PRKCB: variants seen among roughly 807,000 people sequenced by gnomAD.
PRKCB encodes the protein protein kinase C beta.
PRKCB carries 13 observed loss-of-function variants against 81.5 expected under a neutral mutation model. That is an observed-to-expected ratio of 0.16 (90% CI 0.10 to 0.25). PRKCB has a LOEUF of 0.25. Among genes scored for constraint, PRKCB ranks in the 10% least tolerant of loss-of-function variants. The pLI, the probability that PRKCB is intolerant of heterozygous loss-of-function variation, is 1.00. For synonymous variants in PRKCB, 335 were observed against 321.4 expected (o/e 1.04, Z -0.45); for missense variants, 509 against 875.7 (o/e 0.58, Z 5.29).
At chr16:23,839,489 G>A (rs1962229973) in intron 2 of PRKCB, among the ~76,000 whole-genome samples, 1 of 152,114 alleles carries the variant, frequency 6.6e-6, no homozygotes, top group South Asian at 2.1e-4. Context: ...TTGCAAGACT[G>A]GTCTTGAACT....
intron 2 of PRKCB, among the ~76,000 whole-genome samples, chr16:23,971,384 G>A (rs755541163): frequency 1.5e-4 from 23 of 152,174 alleles, no homozygotes; most frequent in African/African-American, 1.9e-4. Context: ...CTTTGAGGAC[G>A]GATGGTGTGA....
In PRKCB at chr16:24,132,795, T is replaced by TTTTTC. The variant is rs1567386726; in HGVS notation, c.1065+8814_1065+8815insTTTTC. On this transcript the variant is annotated intron_variant, in intron 9 of 16. Coordinates refer to ENST00000643927, the MANE Select transcript of PRKCB (RefSeq NM_002738.7). ...GCTTTTTTTTTTTTTTTTTTTTTCT[T>TTTTTC]CTAGAGACAGGGTCTCACTCTGTCA... is the stretch of plus-strand genomic sequence containing the variant. 2.3e-3 allele frequency among the ~76,000 whole-genome samples: 314 copies of TTTTTC among 138,904 alleles called. 4 individuals carry two copies. Among genetic ancestry groups the TTTTTC allele is most frequent in the African/African-American group, 8.3e-3 (297 of 35,786 alleles). 91.1% of individuals were successfully genotyped at this position (138,904 alleles called of 152,430 possible).
At chr16:23,934,024 TCCATCCA>T (rs1964022827) in intron 2 of PRKCB, among the ~76,000 whole-genome samples, 1 of 36,566 alleles carries the variant, frequency 2.7e-5, no homozygotes, top group Non-Finnish European at 8.1e-5. Context: ...TACCCACTCA[TCCATCCA>T]TCCATCCATC....
chr16:23,976,829 C>T (rs372466630), intron 2 of PRKCB, among the ~76,000 whole-genome samples: 3 of 152,284 alleles, frequency 2.0e-5, no homozygotes, highest in Admixed American at 1.3e-4. Flanking sequence ...ATGTCCCCAG[C>T]AGGTGTTCTG....
At chr16:24,176,066 G>A (rs1430137611) in intron 12 of PRKCB, among the ~76,000 whole-genome samples, 1 of 151,912 alleles carries the variant, frequency 6.6e-6, no homozygotes, top group Non-Finnish European at 1.5e-5. Context: ...TGGTAGGATG[G>A]AGAAATGGGA....
intron 2 of PRKCB, among the ~76,000 whole-genome samples, chr16:23,876,253 G>A (rs79034087): frequency 1.4e-4 from 22 of 152,226 alleles, no homozygotes; most frequent in African/African-American, 2.9e-4. Flanking sequence ...AATTATATAC[G>A]TAATTTTACT....
At chr16:24,199,813 C>A (rs1967930411) in intron 16 of PRKCB, among the ~76,000 whole-genome samples, 1 of 152,084 alleles carries the variant, frequency 6.6e-6, no homozygotes, top group Non-Finnish European at 1.5e-5. Flanking sequence ...CAAGGTCCAG[C>A]AACTAGAAAG....
chr16:24,024,374 G>A lies in PRKCB; in HGVS notation c.289-7762G>A, dbSNP rs368347071. Among the ~76,000 whole-genome samples the A allele has an allele frequency of 1.6e-4, 24 of 152,230 alleles. 5 individuals carry two copies. Among genetic ancestry groups the A allele is most frequent in the East Asian group, 3.9e-4 (2 of 5,176 alleles). On this transcript the variant is annotated intron_variant, in intron 3 of 16. Coordinates refer to ENST00000643927, the MANE Select transcript of PRKCB (RefSeq NM_002738.7). ...TGCTGAGCAAAGAGTACAATGTTTC[G>A]GATAGGAGGAATTGCCTTTGAGATC...
intron 2 of PRKCB, among the ~76,000 whole-genome samples, chr16:23,867,039 TCCTTCCTTCCTTCTCTC>T (rs1962812547): frequency 1.0e-5 from 1 of 97,620 alleles, no homozygotes; most frequent in African/African-American, 4.4e-5. Flanking sequence ...CTTCCTTCCT[TCCTTCCTTCCTTCTCTC>T]TCTCTCTCTT....
chr16:24,016,645 A>G (rs1965282076), intron 3 of PRKCB, among the ~76,000 whole-genome samples: 1 of 152,220 alleles, frequency 6.6e-6, no homozygotes, highest in Admixed American at 6.5e-5. Context: ...ATACCTAGGA[A>G]TAAATACTTA....
intron 9 of PRKCB, among the ~76,000 whole-genome samples, chr16:24,130,069 T>G (rs931015164): frequency 1.3e-5 from 2 of 152,206 alleles, no homozygotes; most frequent in Non-Finnish European, 2.9e-5. Context: ...ATCCATACAC[T>G]TTACATTTGC....
chr16:24,015,454 C>T (rs1366032454), intron 3 of PRKCB, among the ~76,000 whole-genome samples: 1 of 152,198 alleles, frequency 6.6e-6, no homozygotes, highest in Non-Finnish European at 1.5e-5. Flanking sequence ...AAGCTGGGAA[C>T]AGGTCACGGG....
intron 10 of PRKCB, among the ~76,000 whole-genome samples, chr16:24,161,639 G>A (rs1450712641): frequency 2.0e-5 from 3 of 152,160 alleles, no homozygotes; most frequent in African/African-American, 4.8e-5. Flanking sequence ...GAAGCACAAA[G>A]GGATAATAAG....
chr16:24,012,765 A>G lies in PRKCB; in HGVS notation c.289-19371A>G, dbSNP rs922397348. On this transcript the variant is annotated intron_variant, in intron 3 of 16. Transcript: ENST00000643927. ...TCCTCACAAGAGTCCCTGTTGGAAG[A>G]TACAGGATATGATTGTCCTACTCAT... 9.8e-5 allele frequency among the ~76,000 whole-genome samples: 15 copies of G among 152,296 alleles called. 2 individuals are homozygous for G. Among genetic ancestry groups the G allele is most frequent in the East Asian group, 3.9e-4 (2 of 5,188 alleles).
At chr16:23,859,843 C>T (rs1962632724) in intron 2 of PRKCB, among the ~76,000 whole-genome samples, 2 of 150,088 alleles carry the variant, frequency 1.3e-5, no homozygotes, top group African/African-American at 4.9e-5. Context: ...TGGCACTTCT[C>T]AAGGGGGTGA....
intron 16 of PRKCB, chr16:24,208,563 G>C (rs372592182): frequency 6.6e-6 from 1 of 151,992 alleles, no homozygotes; most frequent in Admixed American, 6.6e-5. Context: ...CCCCATTCCT[G>C]TTCCAGGAGC....
chr16:24,137,988 A>G (rs982614314), intron 9 of PRKCB, among the ~76,000 whole-genome samples: 1 of 152,188 alleles, frequency 6.6e-6, no homozygotes, highest in Non-Finnish European at 1.5e-5. Context: ...TGAGTGTTTT[A>G]TAGGCATTGC....
chr16:23,992,004 G>T (rs1186883768), intron 3 of PRKCB, among the ~76,000 whole-genome samples: 1 of 152,218 alleles, frequency 6.6e-6, no homozygotes, highest in Non-Finnish European at 1.5e-5. Flanking sequence ...TCAGTTCATG[G>T]GGGAAGAGCC....
chr16:24,141,492 G>C (rs969375904), intron 9 of PRKCB, among the ~76,000 whole-genome samples: 3 of 152,120 alleles, frequency 2.0e-5, no homozygotes, highest in Non-Finnish European at 4.4e-5. Flanking sequence ...CACTGTGCCC[G>C]GCCAAGACCT....
Sources: gnomAD v4.1 joint callset for allele counts (sites outside exome capture counted in the v4.1 genomes callset) on GRCh38, gnomAD v4.1.1 for gene constraint, MANE v1.5 for transcripts, NCBI Gene and HGNC (gene_info 2026-07-23, HGNC 2026-07-21) for gene names.